The following DOK6 variants were observed in gnomAD, a reference collection of about 807,000 sequenced individuals.
DOK6 encodes downstream of tyrosine kinase 6.
DOK6 carries 22 observed loss-of-function variants against 44.0 expected under a neutral mutation model. That is an observed-to-expected ratio of 0.50 (90% CI 0.36 to 0.71). DOK6 has a LOEUF of 0.71. DOK6 is among the 30% of genes least tolerant of loss of function. DOK6 has a pLI of 0.00. For synonymous variants in DOK6, 166 were observed against 145.5 expected (o/e 1.14, Z -1.01); for missense variants, 340 against 416.4 (o/e 0.82, Z 1.60).
At chr18:69,811,588 C>T (rs1369485718) in intron 7 of DOK6, among the ~76,000 whole-genome samples, 3 of 123,164 alleles carry the variant, frequency 2.4e-5, no homozygotes, top group African/African-American at 6.9e-5. Context: ...CAAAACACTA[C>T]GTTGTACACA....
chr18:69,528,140 G>T (rs1038284578), intron 1 of DOK6, among the ~76,000 whole-genome samples: 2 of 143,450 alleles, frequency 1.4e-5, no homozygotes, highest in Non-Finnish European at 3.0e-5. Context: ...TTCGGCCTGG[G>T]TGACAGAGCG....
intron 1 of DOK6, among the ~76,000 whole-genome samples, chr18:69,431,118 C>T (rs546939195): frequency 6.6e-6 from 1 of 152,146 alleles, no homozygotes; most frequent in Admixed American, 6.5e-5. Flanking sequence ...TAGGAGTTCT[C>T]ACCAAACTAA....
At position 69,485,329 on chromosome 18, in the gene DOK6, A is replaced by G. The variant is rs570411746; in HGVS notation, c.67-79158A>G. 9.2e-5 allele frequency among the ~76,000 whole-genome samples: 14 copies of G among 152,256 alleles called. No individual in the cohort carries two copies. The South Asian group carries it at 2.9e-3, about 31-fold the overall frequency. On this transcript the variant is annotated intron_variant, in intron 1 of 7. Transcript: ENST00000382713. Reference sequence around the variant, plus strand: ...TATTAGTGCTTTCTATATCATATATATGTATTTTTCTTAGAAATATATTTT... The same window carrying G: ...TATTAGTGCTTTCTATATCATATATGTGTATTTTTCTTAGAAATATATTTT...
At chr18:69,520,701 C>T (rs1981660878) in intron 1 of DOK6, among the ~76,000 whole-genome samples, 1 of 151,806 alleles carries the variant, frequency 6.6e-6, no homozygotes, top group Non-Finnish European at 1.5e-5. Flanking sequence ...GGTCTCATCC[C>T]CAAAATAGCT....
At chr18:69,515,924 C>G (rs1396650435) in intron 1 of DOK6, among the ~76,000 whole-genome samples, 1 of 152,176 alleles carries the variant, frequency 6.6e-6, no homozygotes, top group Admixed American at 6.5e-5. Context: ...TATGATCATG[C>G]ATTTTTAAAC....
chr18:69,605,743 A>G (rs1436795441), intron 3 of DOK6, among the ~76,000 whole-genome samples: 2 of 152,290 alleles, frequency 1.3e-5, no homozygotes, highest in Middle Eastern at 3.4e-3. Context: ...AACTTCCTCA[A>G]CTTGATAAAG....
chr18:69,492,684 A>G (rs1980768218), intron 1 of DOK6, among the ~76,000 whole-genome samples: 1 of 151,772 alleles, frequency 6.6e-6, no homozygotes, highest in Admixed American at 6.6e-5. Context: ...TCTGTTCATG[A>G]ATTAATTCAC....
intron 6 of DOK6, among the ~76,000 whole-genome samples, chr18:69,756,324 A>G (rs1979353889): frequency 6.6e-6 from 1 of 152,166 alleles, no homozygotes; most frequent in Non-Finnish European, 1.5e-5. Flanking sequence ...CAGGATGTGG[A>G]TGTGGATAGT....
intron 4 of DOK6, among the ~76,000 whole-genome samples, chr18:69,678,719 A>G (rs1398631439): frequency 6.6e-6 from 1 of 152,212 alleles, no homozygotes; most frequent in Admixed American, 6.5e-5. Context: ...AATATTATTC[A>G]GCCTGTCAAT....
intron 2 of DOK6, among the ~76,000 whole-genome samples, chr18:69,569,039 T>TC (rs1477713305): frequency 6.6e-6 from 1 of 151,752 alleles, no homozygotes; most frequent in Non-Finnish European, 1.5e-5. Context: ...CCCGAAACTG[T>TC]CCCCCAGCCC....
intron 1 of DOK6, among the ~76,000 whole-genome samples, chr18:69,422,631 C>G (rs1389612864): frequency 2.0e-5 from 3 of 152,062 alleles, no homozygotes; most frequent in African/African-American, 7.2e-5. Context: ...CAGAATGTCT[C>G]TACCTTCTGT....
chr18:69,519,254 T>C (rs1356986287), intron 1 of DOK6, among the ~76,000 whole-genome samples: 1 of 151,814 alleles, frequency 6.6e-6, no homozygotes, highest in African/African-American at 2.4e-5. Flanking sequence ...TTTGACAGAG[T>C]GTATATTGAT....
chr18:69,733,791 A>G (rs1342087309), intron 5 of DOK6, among the ~76,000 whole-genome samples: 1 of 152,184 alleles, frequency 6.6e-6, no homozygotes, highest in Non-Finnish European at 1.5e-5. Context: ...CCTGTAACTT[A>G]TCATTCTTCA....
At chr18:69,608,949 C>A (rs1285083366) in intron 3 of DOK6, among the ~76,000 whole-genome samples, 683 of 123,870 alleles carry the variant, frequency 5.5e-3, no homozygotes, top group Non-Finnish European at 6.4e-3. Flanking sequence ...GACTCTGTCT[C>A]AAAAAAAAAA....
intron 1 of DOK6, among the ~76,000 whole-genome samples, chr18:69,522,092 AG>A (rs1232076010): frequency 6.6e-6 from 1 of 152,040 alleles, no homozygotes; most frequent in Non-Finnish European, 1.5e-5. Context: ...GTACACACTT[AG>A]GGGAAGACAA....
chr18:69,438,077 G>T (rs1012536568), intron 1 of DOK6, among the ~76,000 whole-genome samples: 1 of 152,148 alleles, frequency 6.6e-6, no homozygotes, highest in African/African-American at 2.4e-5. Context: ...AGATCAAGGT[G>T]GTGGTTGCTG....
At chr18:69,824,747 T>C (rs1215396529) in intron 7 of DOK6, among the ~76,000 whole-genome samples, 1 of 152,192 alleles carries the variant, frequency 6.6e-6, no homozygotes, top group Non-Finnish European at 1.5e-5. Context: ...GCTGAAGTGT[T>C]AATGAACACC....
intron 1 of DOK6, among the ~76,000 whole-genome samples, chr18:69,485,037 T>TG (rs933432340): frequency 2.0e-5 from 3 of 152,036 alleles, no homozygotes; most frequent in Non-Finnish European, 4.4e-5. Context: ...GAATATTGAT[T>TG]GGGGGGTTAC....
intron 1 of DOK6, among the ~76,000 whole-genome samples, chr18:69,495,311 C>T (rs1980851529): frequency 6.6e-6 from 1 of 152,240 alleles, no homozygotes; most frequent in African/African-American, 2.4e-5. Flanking sequence ...ATGTTTCAGC[C>T]CTGTATGTGT....
Sources: allele counts gnomAD v4.1 joint callset (sites outside exome capture counted in the v4.1 genomes callset), GRCh38; gene constraint gnomAD v4.1.1; transcripts MANE v1.5; gene names NCBI Gene and HGNC (gene_info 2026-07-23, HGNC 2026-07-21).